The following KMT5B variants were observed in gnomAD, a reference collection of about 807,000 sequenced individuals.
The protein encoded by KMT5B is histone-lysine N-methyltransferase KMT5B.
KMT5B carries 10 observed loss-of-function variants against 83.2 expected under a neutral mutation model. The ratio of observed to expected loss-of-function variants is 0.12; its 90% confidence interval spans 0.07 to 0.20. The LOEUF (loss-of-function observed/expected upper bound fraction) is 0.20, where lower values mean the gene tolerates loss of function less well. Among genes scored for constraint, KMT5B ranks in the 10% least tolerant of loss-of-function variants. The pLI, the probability that KMT5B is intolerant of heterozygous loss-of-function variation, is 1.00. For missense variants in KMT5B, 753 were observed against 1,067.2 expected, an observed-to-expected ratio of 0.71 and a Z score of 4.10; for synonymous variants, 349 against 388.8, an observed-to-expected ratio of 0.90 and a Z score of 1.20.
chr11:68,165,826 G>A lies in KMT5B; in HGVS notation c.1174+1156C>T, dbSNP rs146699742. 8.8e-3 allele frequency: 14,090 copies of A among 1,610,200 alleles called. 96 individuals carry two copies. Among genetic ancestry groups the A allele is most frequent in the Non-Finnish European group, 9.8e-3 (11,550 of 1,178,520 alleles). Reference sequence around the variant, plus strand: ...CGAAAAAGACTGGAATAGGGCTACAGCGCTGCTTTTATGCTACACGGGTTA... The same window carrying A: ...CGAAAAAGACTGGAATAGGGCTACAACGCTGCTTTTATGCTACACGGGTTA... On this transcript the variant is annotated intron_variant, in intron 10 of 10. Coordinates refer to ENST00000304363, the MANE Select transcript of KMT5B (RefSeq NM_017635.5).
intron 1 of KMT5B, among the ~76,000 whole-genome samples, chr11:68,192,483 T>C (rs1043830530): frequency 1.3e-5 from 2 of 152,178 alleles, no homozygotes; most frequent in African/African-American, 2.4e-5. Context: ...AATATTTCTC[T>C]CAGTAAACAG....
In KMT5B at chr11:68,158,945, T is replaced by C. The variant is rs764160738; in HGVS notation, c.1401A>G (p.Ser467=). Residue 467 remains serine, a synonymous_variant, in exon 11 of 11, where the codon TCA becomes TCG. Coordinates refer to ENST00000304363, the MANE Select transcript of KMT5B (RefSeq NM_017635.5). ...HCKRLEQKNA[S]RKLEMGNLVL... ...CTAAGTTTCCCATTTCGAGTTTTCT[T>C]GAAGCATTCTTTTGCTCCAGCCGCT... 4 of 1,613,590 alleles carry C rather than the reference T, an allele frequency of 2.5e-6. No individual in the cohort carries two copies. In the South Asian group the frequency reaches 4.4e-5, roughly 18 times the overall value.
At chr11:68,181,075 C>CTTTTTTT (rs71461690) in intron 3 of KMT5B, among the ~76,000 whole-genome samples, 1 of 143,684 alleles carries the variant, frequency 7.0e-6, no homozygotes. Context: ...TTTCTTTTTT[C>CTTTTTTT]TTTTTTTTTT....
At chr11:68,198,090 G>A (rs1388295624) in intron 1 of KMT5B, among the ~76,000 whole-genome samples, 1 of 152,138 alleles carries the variant, frequency 6.6e-6, no homozygotes, top group Admixed American at 6.6e-5. Context: ...AACACAAGTC[G>A]ATACTGTAGT....
At chr11:68,189,123 T>C (rs1591017858) in intron 2 of KMT5B, among the ~76,000 whole-genome samples, 1 of 152,226 alleles carries the variant, frequency 6.6e-6, no homozygotes, top group Non-Finnish European at 1.5e-5. Flanking sequence ...TCCAAATCCC[T>C]GGAAACAGGC....
upstream of KMT5B, chr11:68,213,448 C>T (rs1215894729): frequency 4.1e-5 from 6 of 146,604 alleles, no homozygotes; most frequent in South Asian, 7.2e-4. Flanking sequence ...CCGGCGCCCG[C>T]CCCCGCGCCC....
At chr11:68,170,180 G>A (rs1369804446) in intron 9 of KMT5B, among the ~76,000 whole-genome samples, 2 of 152,212 alleles carry the variant, frequency 1.3e-5, no homozygotes, top group Non-Finnish European at 2.9e-5. Context: ...AAAGCAATAT[G>A]AAGTGGAAAG....
chr11:68,195,807 G>A (rs1858629864), intron 1 of KMT5B, among the ~76,000 whole-genome samples: 1 of 152,158 alleles, frequency 6.6e-6, no homozygotes, highest in Admixed American at 6.5e-5. Context: ...ATCCCACATA[G>A]TAAGTTTTGT....
intron 10 of KMT5B, chr11:68,166,527 CAATGA>C: frequency 1.0e-6 from 1 of 1,004,234 alleles, no homozygotes; most frequent in Non-Finnish European, 1.2e-6. Flanking sequence ...GGTCAGCAAG[CAATGA>C]AAAGGTGGAA....
intron 1 of KMT5B, among the ~76,000 whole-genome samples, chr11:68,195,274 C>T (rs1858570369): frequency 6.6e-6 from 1 of 152,196 alleles, no homozygotes; most frequent in Non-Finnish European, 1.5e-5. Context: ...CCTCTCCTAT[C>T]CCACCTCTGT....
At chr11:68,172,477 C>T (rs1471147730) in intron 6 of KMT5B, among the ~76,000 whole-genome samples, 4 of 151,880 alleles carry the variant, frequency 2.6e-5, no homozygotes, top group Admixed American at 6.6e-5. Context: ...CGTCATGATC[C>T]GCCCACCTCA....
intron 10 of KMT5B, 144 bp from the exon 11 acceptor site, chr11:68,159,315 G>GAC: frequency 8.8e-7 from 1 of 1,133,062 alleles, no homozygotes. Flanking sequence ...TTCTGCCAGC[G>GAC]CACCTGCATT....
At chr11:68,199,766 G>C (rs901119277) in intron 1 of KMT5B, among the ~76,000 whole-genome samples, 1 of 152,252 alleles carries the variant, frequency 6.6e-6, no homozygotes, top group Non-Finnish European at 1.5e-5. Context: ...AGGAGAACTA[G>C]TGGCTGCAGC....
intron 2 of KMT5B, among the ~76,000 whole-genome samples, chr11:68,188,026 C>CTTT (rs1168742073): frequency 1.4e-5 from 2 of 139,434 alleles, no homozygotes; most frequent in East Asian, 2.0e-4. Context: ...TTTCCTTTTT[C>CTTT]TTTTTTTTTT....
intron 10 of KMT5B, among the ~76,000 whole-genome samples, chr11:68,160,744 C>T (rs576427217): frequency 6.6e-5 from 10 of 152,092 alleles, no homozygotes; most frequent in African/African-American, 2.4e-4. Flanking sequence ...GTCAGGAGTT[C>T]GAGACCAACC....
intron 1 of KMT5B, among the ~76,000 whole-genome samples, chr11:68,203,488 C>T (rs1859706946): frequency 6.6e-6 from 1 of 152,170 alleles, no homozygotes; most frequent in South Asian, 2.1e-4. Flanking sequence ...ATCAATATTG[C>T]AATAACTAAG....
rs539051864 is a variant in KMT5B at position 68,155,525 on chromosome 11, T to C, written c.*2163A>G. ...CTTTTTAAGATCGAAATTCCCAAAA[T>C]AGCTATCGTTGGTATTCAAATAAGG... On this transcript the variant is annotated 3_prime_UTR_variant, in exon 11 of 11. Coordinates refer to ENST00000304363, the MANE Select transcript of KMT5B (RefSeq NM_017635.5). The C allele has an allele frequency of 3.3e-5, 5 of 152,298 alleles. No individual in the cohort carries two copies. The highest frequency in any genetic ancestry group is 2.6e-4 in the Admixed American group (4 of 15,302). The allele number at this position is 152,298 out of a possible 1,614,324, so 9.4% of individuals were successfully genotyped here.
In KMT5B at chr11:68,157,806, T is replaced by C; in HGVS notation, c.2540A>G (p.Asp847Gly). Residue 847 changes from aspartate to glycine, a missense_variant, in exon 11 of 11, where the codon GAC (aspartate) becomes GGC (glycine). Asp to Gly is a moderately conservative substitution (Grantham distance 94). Transcript: ENST00000304363. Reference sequence around the variant, plus strand: ...AGCTGGAGGAAGAGGAATAAAATCGTCTTCAAAGTCATCATCATAGTCATC... The same window carrying C: ...AGCTGGAGGAAGAGGAATAAAATCGCCTTCAAAGTCATCATCATAGTCATC... ...EEDDYDDDFEDDFIPLPPAKR... is the reference protein window; with the variant it reads ...EEDDYDDDFEGDFIPLPPAKR... 1 of 1,614,140 alleles carries C rather than the reference T, an allele frequency of 6.2e-7. No individual in the cohort carries two copies. Among genetic ancestry groups the C allele is most frequent in the African/African-American group, 1.3e-5 (1 of 75,004 alleles).
chr11:68,168,813 C>T (rs756892737), intron 9 of KMT5B, among the ~76,000 whole-genome samples: 4 of 152,210 alleles, frequency 2.6e-5, no homozygotes, highest in Non-Finnish European at 4.4e-5. Flanking sequence ...GAGCCTCTTC[C>T]TTTTACCCTC....
Sources: allele counts gnomAD v4.1 joint callset (sites outside exome capture counted in the v4.1 genomes callset), GRCh38; gene constraint gnomAD v4.1.1; transcripts MANE v1.5; gene names NCBI Gene and HGNC (gene_info 2026-07-23, HGNC 2026-07-21).